Variants in ZNRF1 observed in about 807,000 individuals in gnomAD.
The protein encoded by ZNRF1 is E3 ubiquitin-protein ligase ZNRF1.
ZNRF1 carries 3 observed loss-of-function variants against 18.4 expected under a neutral mutation model. The observed-to-expected ratio is 0.16, with a 90% CI of 0.07 to 0.42. ZNRF1 has a LOEUF of 0.42. Among genes scored for constraint, ZNRF1 ranks in the 10% least tolerant of loss-of-function variants. ZNRF1 has a pLI of 0.99. For synonymous variants in ZNRF1, 157 were observed against 144.2 expected (o/e 1.09, Z -0.64); for missense variants, 310 against 329.8 (o/e 0.94, Z 0.47).
At chr16:75,030,632 A>G (rs930750497) in intron 1 of ZNRF1, among the ~76,000 whole-genome samples, 5 of 152,122 alleles carry the variant, frequency 3.3e-5, no homozygotes, top group Admixed American at 6.6e-5. Context: ...CCCCATAACC[A>G]TTAGCAGTAG....
At chr16:75,082,572 G>C (rs1225629801) in intron 1 of ZNRF1, among the ~76,000 whole-genome samples, 2 of 152,164 alleles carry the variant, frequency 1.3e-5, no homozygotes, top group Non-Finnish European at 2.9e-5. Flanking sequence ...GAATATGTTT[G>C]AGACGGGGTC....
intron 1 of ZNRF1, among the ~76,000 whole-genome samples, chr16:75,020,912 C>T (rs893495392): frequency 6.6e-6 from 1 of 152,202 alleles, no homozygotes; most frequent in Non-Finnish European, 1.5e-5. Context: ...TTACAGGCTA[C>T]TCTTAAATTT....
At chr16:75,082,063 A>T (rs1358508124) in intron 1 of ZNRF1, among the ~76,000 whole-genome samples, 1 of 152,142 alleles carries the variant, frequency 6.6e-6, no homozygotes, top group East Asian at 1.9e-4. Flanking sequence ...TTTTTGGTAG[A>T]GATGGGGGTC....
intron 1 of ZNRF1, chr16:75,000,452 T>A: frequency 2.3e-6 from 1 of 435,358 alleles, no homozygotes; most frequent in Non-Finnish European, 4.5e-6. Context: ...GCACTGTGCC[T>A]GCCTCACCGG....
At chr16:75,068,188 T>TAAAAAA (rs57755915) in intron 1 of ZNRF1, among the ~76,000 whole-genome samples, 1 of 88,956 alleles carries the variant, frequency 1.1e-5, no homozygotes, top group African/African-American at 4.1e-5. Context: ...GACCTTGTCT[T>TAAAAAA]AAAAAAAAAA....
At chr16:75,104,344 G>A (rs1309967898) in intron 2 of ZNRF1, 2 of 157,296 alleles carry the variant, frequency 1.3e-5, no homozygotes, top group African/African-American at 4.8e-5. Context: ...GGATTTTCTT[G>A]GGGACCTGTT....
At chr16:75,088,217 T>G (rs1466626069) in intron 1 of ZNRF1, among the ~76,000 whole-genome samples, 1 of 152,182 alleles carries the variant, frequency 6.6e-6, no homozygotes, top group Non-Finnish European at 1.5e-5. Context: ...GGGAAAAGAT[T>G]TGGGCAATAG....
chr16:75,023,452 G>A (rs1458033767), intron 1 of ZNRF1, among the ~76,000 whole-genome samples: 1 of 152,210 alleles, frequency 6.6e-6, no homozygotes, highest in Non-Finnish European at 1.5e-5. Context: ...GGGAGGCCAA[G>A]GTGGATGGAT....
intron 1 of ZNRF1, among the ~76,000 whole-genome samples, chr16:75,064,021 G>A (rs1225210920): frequency 1.3e-5 from 2 of 152,190 alleles, no homozygotes; most frequent in Admixed American, 1.3e-4. Flanking sequence ...GTTTTGGCCG[G>A]GTGCAGTGGC....
chr16:75,000,797 T>C (rs760181107), intron 1 of ZNRF1, among the ~76,000 whole-genome samples: 2 of 152,220 alleles, frequency 1.3e-5, no homozygotes, highest in African/African-American at 4.8e-5. Flanking sequence ...TTTTTTCTTC[T>C]GCTCCATGCT....
At chr16:75,076,187 T>C (rs553563725) in intron 1 of ZNRF1, among the ~76,000 whole-genome samples, 1 of 152,222 alleles carries the variant, frequency 6.6e-6, no homozygotes. Flanking sequence ...TATTGACATA[T>C]CTATTATATG....
At chr16:75,071,486 A>G (rs528147533) in intron 1 of ZNRF1, among the ~76,000 whole-genome samples, 4 of 151,970 alleles carry the variant, frequency 2.6e-5, no homozygotes, top group Admixed American at 6.6e-5. Context: ...TGGCCTCTCT[A>G]TGTGGCCTGG....
At chr16:75,007,742 C>G (rs917257336) in intron 1 of ZNRF1, among the ~76,000 whole-genome samples, 1 of 152,190 alleles carries the variant, frequency 6.6e-6, no homozygotes, top group African/African-American at 2.4e-5. Context: ...AACCTGAAAA[C>G]AAGAAGACCT....
intron 2 of ZNRF1, among the ~76,000 whole-genome samples, chr16:75,103,179 C>T (rs1041577086): frequency 3.3e-5 from 5 of 152,142 alleles, no homozygotes; most frequent in Non-Finnish European, 5.9e-5. Context: ...TCACTGTCGC[C>T]GGCACGCAGA....
intron 1 of ZNRF1, among the ~76,000 whole-genome samples, chr16:75,027,864 G>T (rs1010124063): frequency 2.0e-5 from 3 of 152,102 alleles, no homozygotes; most frequent in African/African-American, 7.2e-5. Flanking sequence ...TATTTCCACA[G>T]TTCCTTCATT....
chr16:75,098,234 A>G (rs1374116797), intron 2 of ZNRF1, among the ~76,000 whole-genome samples: 2 of 152,072 alleles, frequency 1.3e-5, no homozygotes, highest in African/African-American at 4.8e-5. Flanking sequence ...GAGGAGCGAA[A>G]GCGACTAGGG....
chr16:74,999,927 C>G lies in ZNRF1; in HGVS notation c.256C>G (p.Pro86Ala), dbSNP rs112370673. The change falls in exon 1 of 5, where the codon CCC becomes GCC. Residue 86 changes from proline (P) to alanine (A), a missense_variant. Coordinates refer to ENST00000335325, the MANE Select transcript of ZNRF1 (RefSeq NM_032268.5). ...SRGTGDSERA[P>A]GGGGSASDST... ...GGGCACCGGCGACTCCGAGAGGGCGCCCGGCGGCGGAGGGTCTGCGTCCGA... is the reference window on the plus strand; with the variant it reads ...GGGCACCGGCGACTCCGAGAGGGCGGCCGGCGGCGGAGGGTCTGCGTCCGA... 2.0e-3 allele frequency: 3,061 copies of G among 1,560,576 alleles called. 12 individuals are homozygous for G. The highest frequency in any genetic ancestry group is 0.011 in the South Asian group (912 of 85,134).
intron 1 of ZNRF1, among the ~76,000 whole-genome samples, chr16:75,016,816 A>T (rs1318260970): frequency 1.8e-5 from 2 of 112,268 alleles, no homozygotes; most frequent in Non-Finnish European, 4.0e-5. Context: ...GAGTGCTGGG[A>T]TTACAGGCGT....
intron 4 of ZNRF1, 93 bp downstream of exon 4, chr16:75,106,664 C>A: frequency 2.1e-6 from 2 of 951,080 alleles, no homozygotes; most frequent in Non-Finnish European, 1.6e-6. Context: ...GCCCTTATGC[C>A]ACTGAGAAGA....
Sources: allele counts gnomAD v4.1 joint callset (sites outside exome capture counted in the v4.1 genomes callset), GRCh38; gene constraint gnomAD v4.1.1; transcripts MANE v1.5; gene names NCBI Gene and HGNC (gene_info 2026-07-23, HGNC 2026-07-21).